ADGRL2: variants seen among roughly 807,000 people sequenced by gnomAD.
ADGRL2 encodes the protein adhesion G protein-coupled receptor L2.
A neutral mutation model predicts 157.4 loss-of-function variants in ADGRL2; 44 were observed. The ratio of observed to expected loss-of-function variants is 0.28; its 90% CI spans 0.22 to 0.36. The LOEUF is 0.36. Among genes scored for constraint, ADGRL2 ranks in the 10% least tolerant of loss-of-function variants. The probability of loss-of-function intolerance (pLI) is 1.00; values close to 1 mark genes in which losing one functional copy is unlikely to be tolerated. For missense variants in ADGRL2, 1,510 were observed against 1,768.9 expected (o/e 0.85, Z 2.63); for synonymous variants, 585 against 624.7 (o/e 0.94, Z 0.95).
intron 1 of ADGRL2, among the ~76,000 whole-genome samples, chr1:81,834,426 C>T (rs1209693106): frequency 6.6e-6 from 1 of 152,076 alleles, no homozygotes; most frequent in Non-Finnish European, 1.5e-5. Flanking sequence ...AGTGGTTTGG[C>T]TCCAATATGA....
chr1:81,450,158 G>C (rs2077678404), intron 2 of ADGRL2, among the ~76,000 whole-genome samples: 1 of 152,092 alleles, frequency 6.6e-6, no homozygotes, highest in Non-Finnish European at 1.5e-5. Context: ...GTCCATACCT[G>C]GCTCTAAGAA....
intron 1 of ADGRL2, among the ~76,000 whole-genome samples, chr1:81,743,540 T>C (rs79149606): frequency 0.013 from 1,994 of 151,992 alleles, 44 homozygotes; most frequent in African/African-American, 0.046. Flanking sequence ...ACCTTAGGAA[T>C]TATTATTAGA....
intron 1 of ADGRL2, among the ~76,000 whole-genome samples, chr1:81,356,959 A>AG (rs1663353040): frequency 7.6e-6 from 1 of 130,800 alleles, no homozygotes; most frequent in Non-Finnish European, 1.7e-5. Flanking sequence ...TCTCAAAAAA[A>AG]AAAAAAAAAA....
At chr1:81,455,004 G>A (rs1034352660) in intron 2 of ADGRL2, among the ~76,000 whole-genome samples, 26 of 152,190 alleles carry the variant, frequency 1.7e-4, no homozygotes, top group African/African-American at 6.3e-4. Context: ...AGATCCGTTA[G>A]ATGACCAGGT....
intron 3 of ADGRL2, among the ~76,000 whole-genome samples, chr1:81,601,279 G>A (rs908124103): frequency 1.7e-4 from 26 of 152,162 alleles, no homozygotes; most frequent in African/African-American, 6.3e-4. Context: ...TAACTTTGGT[G>A]AGTCTTTTAA....
chr1:81,844,268 G>T (rs1441516363), intron 2 of ADGRL2, among the ~76,000 whole-genome samples: 6 of 152,054 alleles, frequency 3.9e-5, no homozygotes, highest in African/African-American at 9.7e-5. Context: ...GTATTACAGG[G>T]AGTTTAATTA....
intron 1 of ADGRL2, among the ~76,000 whole-genome samples, chr1:81,834,572 G>A (rs562568506): frequency 3.4e-4 from 52 of 152,168 alleles, no homozygotes; most frequent in Admixed American, 1.9e-3. Flanking sequence ...TTAAAACTTG[G>A]GTCACAGCAG....
intron 2 of ADGRL2, among the ~76,000 whole-genome samples, chr1:81,893,311 A>T (rs2389208): frequency 0.03 from 3,453 of 114,322 alleles, 64 homozygotes; most frequent in Middle Eastern, 0.089. Context: ...TGACTTATCA[A>T]TCCTGTCTTG....
At chr1:81,721,548 G>A in intron 1 of ADGRL2, 1 of 419,320 alleles carries the variant, frequency 2.4e-6, no homozygotes, top group Non-Finnish European at 4.3e-6. Flanking sequence ...TTGAGCCCAG[G>A]AGTTCAGGAC....
chr1:81,539,606 C>T (rs1281599484), intron 2 of ADGRL2, among the ~76,000 whole-genome samples: 1 of 151,988 alleles, frequency 6.6e-6, no homozygotes, highest in Non-Finnish European at 1.5e-5. Flanking sequence ...ATAAAGGAAC[C>T]CAAAACTGAA....
At chr1:81,922,102 G>A (rs1250340692) in intron 3 of ADGRL2, among the ~76,000 whole-genome samples, 1 of 152,168 alleles carries the variant, frequency 6.6e-6, no homozygotes, top group Non-Finnish European at 1.5e-5. Flanking sequence ...AGGAGATAAT[G>A]TACAGAAATA....
At chr1:81,663,701 C>T (rs2082702389) in intron 3 of ADGRL2, among the ~76,000 whole-genome samples, 1 of 152,108 alleles carries the variant, frequency 6.6e-6, no homozygotes. Flanking sequence ...CAGGTGGTGA[C>T]CATTGTGGCC....
chr1:81,607,021 A>T lies in ADGRL2; in HGVS notation c.-143+26041A>T, dbSNP rs1050333279. Among the ~76,000 whole-genome samples, 3 of 152,264 alleles carry T rather than the reference A, an allele frequency of 2.0e-5. No individual in the cohort carries two copies. The South Asian group carries it at 6.2e-4, about 32-fold the overall frequency. ...TTTCTATGAACTTTCAGAACTCAAGATCTCTTCATCAACTTTATTTCTTAA... is the reference window on the plus strand; with the variant it reads ...TTTCTATGAACTTTCAGAACTCAAGTTCTCTTCATCAACTTTATTTCTTAA... On this transcript the variant is annotated intron_variant, in intron 3 of 24. Coordinates refer to the ADGRL2 transcript ENST00000370721.
At chr1:81,527,102 C>A (rs984535936) in intron 2 of ADGRL2, among the ~76,000 whole-genome samples, 2 of 152,188 alleles carry the variant, frequency 1.3e-5, no homozygotes, top group African/African-American at 4.8e-5. Context: ...TGTTTTCATT[C>A]AATAAAGTCG....
intron 2 of ADGRL2, among the ~76,000 whole-genome samples, chr1:81,887,729 G>A (rs913002555): frequency 1.3e-5 from 2 of 152,090 alleles, no homozygotes; most frequent in Non-Finnish European, 2.9e-5. Flanking sequence ...CATTTTGGGA[G>A]AAAAAGAGGA....
intron 1 of ADGRL2, among the ~76,000 whole-genome samples, chr1:81,439,559 G>C (rs1197481853): frequency 6.6e-6 from 1 of 152,244 alleles, no homozygotes; most frequent in Admixed American, 6.5e-5. Flanking sequence ...TGCAGGATCT[G>C]TCTGGCCACT....
chr1:81,632,554 C>T (rs1176619632), intron 3 of ADGRL2, among the ~76,000 whole-genome samples: 1 of 151,928 alleles, frequency 6.6e-6, no homozygotes, highest in Non-Finnish European at 1.5e-5. Context: ...GTCAGGAGAT[C>T]GAGACCATCC....
intron 3 of ADGRL2, among the ~76,000 whole-genome samples, chr1:81,637,750 C>T (rs926724515): frequency 2.0e-5 from 3 of 151,954 alleles, no homozygotes; most frequent in Non-Finnish European, 2.9e-5. Context: ...ACACATGTTT[C>T]AATACATGGA....
intron 1 of ADGRL2, among the ~76,000 whole-genome samples, chr1:81,709,640 A>C (rs961564508): frequency 6.6e-6 from 1 of 152,022 alleles, no homozygotes; most frequent in Non-Finnish European, 1.5e-5. Flanking sequence ...GGGTTGACCT[A>C]GCTGACACTT....
Sources: gnomAD v4.1 joint callset for allele counts (sites outside exome capture counted in the v4.1 genomes callset) on GRCh38, gnomAD v4.1.1 for gene constraint, MANE v1.5 for transcripts, NCBI Gene and HGNC (gene_info 2026-07-23, HGNC 2026-07-21) for gene names.